The following SLC27A6 variants were observed in gnomAD, a reference collection of about 807,000 sequenced individuals.
SLC27A6 encodes the protein long-chain fatty acid transport protein 6.
In SLC27A6, 74 loss-of-function variants were observed where a neutral mutation model predicts 63.9. The observed-to-expected ratio is 1.16, with a 90% CI of 0.96 to 1.40. SLC27A6 has a LOEUF of 1.40. SLC27A6 is among the 40% of genes most tolerant of loss of function. SLC27A6 has a pLI of 0.00. For synonymous variants in SLC27A6, 287 were observed against 260.8 expected, an observed-to-expected ratio of 1.10 and a Z score of -0.97; for missense variants, 794 against 732.9, an observed-to-expected ratio of 1.08 and a Z score of -0.96.
Position 128,998,690 on chromosome 5 carries a change from T to C in SLC27A6, c.969+8226T>C, listed in dbSNP as rs139405395. Among the ~76,000 whole-genome samples the C allele has an allele frequency of 2.0e-3, 307 of 152,288 alleles. 4 individuals carry two copies. Among genetic ancestry groups the C allele is most frequent in the African/African-American group, 7.1e-3 (294 of 41,578 alleles). ...GATATTAATTTAACATTTAAAAACTTATGTCCAGGATTATTTCTTTGAGTA... is the reference window on the plus strand; with the variant it reads ...GATATTAATTTAACATTTAAAAACTCATGTCCAGGATTATTTCTTTGAGTA... On this transcript the variant is annotated intron_variant, in intron 4 of 9. Coordinates refer to ENST00000262462, the MANE Select transcript of SLC27A6 (RefSeq NM_001017372.3).
In SLC27A6 at chr5:128,966,360, T is replaced by C; in HGVS notation, c.223T>C (p.Tyr75His). 1.9e-6 allele frequency: 3 copies of C among 1,612,344 alleles called. No individual in the cohort carries two copies. Among genetic ancestry groups the C allele is most frequent in the Non-Finnish European group, 1.7e-6 (2 of 1,179,378 alleles). The change falls in exon 1 of 10, where the codon TAT becomes CAT. Residue 75 changes from tyrosine (Y) to histidine (H), a missense_variant. Transcript: ENST00000262462. ...ACAACCTCGGAAACCTTTCATCATCTATGAGGGAGACATCTACACCTATCA... is the reference window on the plus strand; with the variant it reads ...ACAACCTCGGAAACCTTTCATCATCCATGAGGGAGACATCTACACCTATCA... ...KRQPRKPFII[Y>H]EGDIYTYQDV...
At chr5:128,966,992 A>G (rs1749928611) in intron 1 of SLC27A6, among the ~76,000 whole-genome samples, 1 of 152,172 alleles carries the variant, frequency 6.6e-6, no homozygotes, top group Non-Finnish European at 1.5e-5. Flanking sequence ...ACCTACCTCT[A>G]ATTGTACTTT....
intron 9 of SLC27A6, among the ~76,000 whole-genome samples, chr5:129,032,468 T>C (rs72799397): frequency 0.2 from 30,276 of 151,940 alleles, 3,085 homozygotes; most frequent in Middle Eastern, 0.28. Context: ...TTTGCAAAGA[T>C]AATGACATCA....
chr5:129,015,789 A>AT, intron 4 of SLC27A6, 96 bp from the exon 5 acceptor site: 1 of 824,282 alleles, frequency 1.2e-6, no homozygotes, highest in Non-Finnish European at 1.9e-6. Flanking sequence ...TATTGCACAT[A>AT]TGCAGTTTAC....
rs1490119495 is a variant in SLC27A6 at position 128,988,724 on chromosome 5, A to G, written c.810A>G (p.Ala270=). The G allele has an allele frequency of 3.7e-6, 6 of 1,613,348 alleles. No homozygotes were observed. The highest frequency in any genetic ancestry group is 1.3e-5 in the African/African-American group (1 of 74,894). ...CCCTTCCTCTGTATCATAGTTCAGC[A>G]GCTATCCTGGGAATTTCTGGATGTG... The part of the protein sequence containing the change: ...YITLPLYHSS[A]AILGISGCVE... Residue 270 remains alanine, a synonymous_variant, in exon 3 of 10, where the codon GCA becomes GCG. Coordinates refer to ENST00000262462, the MANE Select transcript of SLC27A6 (RefSeq NM_001017372.3).
chr5:129,023,786 T>G, intron 6 of SLC27A6, 76 bp downstream of exon 6: 2 of 1,058,946 alleles, frequency 1.9e-6, no homozygotes, highest in Non-Finnish European at 2.8e-6. Flanking sequence ...TTGGTATCCT[T>G]GGGGGATTGG....
intron 8 of SLC27A6, 114 bp downstream of exon 8, chr5:129,028,556 G>T: frequency 1.6e-6 from 1 of 624,990 alleles, no homozygotes. Context: ...TTAAGATAAA[G>T]ATTTTATTAT....
chr5:128,993,543 CTT>C (rs1255512059), intron 4 of SLC27A6, among the ~76,000 whole-genome samples: 1 of 152,068 alleles, frequency 6.6e-6, no homozygotes, highest in African/African-American at 2.4e-5. Context: ...AAAAATGTCT[CTT>C]TTGTGTCTTG....
intron 6 of SLC27A6, among the ~76,000 whole-genome samples, chr5:129,026,746 T>C (rs2150155348): frequency 6.6e-6 from 1 of 152,236 alleles, no homozygotes; most frequent in African/African-American, 2.4e-5. Context: ...TAAAAAATGC[T>C]ATCATTATTT....
intron 8 of SLC27A6, among the ~76,000 whole-genome samples, chr5:129,028,722 A>G (rs558473455): frequency 1.3e-5 from 2 of 151,092 alleles, no homozygotes; most frequent in Non-Finnish European, 3.0e-5. Flanking sequence ...GGAATTAGTT[A>G]CAGCTTTTTA....
intron 6 of SLC27A6, among the ~76,000 whole-genome samples, chr5:129,025,978 A>T (rs75019216): frequency 8.5e-5 from 13 of 152,214 alleles, no homozygotes; most frequent in African/African-American, 2.4e-4. Context: ...CTACAAAAAA[A>T]TTACAAAATT....
At chr5:129,015,320 A>G (rs1751856777) in intron 4 of SLC27A6, among the ~76,000 whole-genome samples, 1 of 152,236 alleles carries the variant, frequency 6.6e-6, no homozygotes, top group Admixed American at 6.5e-5. Flanking sequence ...ATAATTACAT[A>G]TAGTTGCCAT....
At chr5:129,006,458 TG>T (rs1751542720) in intron 4 of SLC27A6, among the ~76,000 whole-genome samples, 1 of 151,088 alleles carries the variant, frequency 6.6e-6, no homozygotes, top group Admixed American at 6.6e-5. Context: ...TGTGTGTGTG[TG>T]TGTGTGTGTG....
intron 4 of SLC27A6, among the ~76,000 whole-genome samples, chr5:128,992,288 A>G (rs1751012180): frequency 6.6e-6 from 1 of 151,892 alleles, no homozygotes; most frequent in Non-Finnish European, 1.5e-5. Context: ...CACCTCTGCC[A>G]TCATCACATC....
In SLC27A6 at chr5:129,024,526, G is replaced by A. The variant is rs140739848; in HGVS notation, c.1255+816G>A. ...TTAAATGGGATGTATATATATTCCT[G>A]GGGGACCTGGTATGTGGCTTGTTAC... On this transcript the variant is annotated intron_variant, in intron 6 of 9. Coordinates refer to ENST00000262462, the MANE Select transcript of SLC27A6 (RefSeq NM_001017372.3). Among the ~76,000 whole-genome samples, 204 of 152,130 alleles carry A rather than the reference G, an allele frequency of 1.3e-3. 1 individual carries two copies. Among genetic ancestry groups the A allele is most frequent in the African/African-American group, 4.8e-3 (198 of 41,528 alleles).
chr5:129,029,486 T>A (rs1752348368), intron 8 of SLC27A6, 91 bp from the exon 9 acceptor site: 4 of 783,554 alleles, frequency 5.1e-6, no homozygotes. Context: ...ATAGATTTAA[T>A]GTCTCCATGT....
At chr5:129,010,675 G>T (rs531633747) in intron 4 of SLC27A6, among the ~76,000 whole-genome samples, 23 of 152,254 alleles carry the variant, frequency 1.5e-4, no homozygotes, top group African/African-American at 5.5e-4. Context: ...GAGAGTCTTA[G>T]TCCTACACCC....
At position 128,973,099 on chromosome 5, in the gene SLC27A6, CT is replaced by C. The variant is rs1253989769; in HGVS notation, c.481+6482del. ...TTTGCCTGGGTATCACCAGCGGAGG[CT>C]GCAGAACAGCAAATGTTGCTGCCTG... On this transcript the variant is annotated intron_variant, in intron 1 of 9. Transcript: ENST00000262462. Among the ~76,000 whole-genome samples the C allele has an allele frequency of 3.3e-5, 5 of 152,186 alleles. No individual in the cohort carries two copies. The East Asian group carries it at 7.7e-4, about 24-fold the overall frequency.
intron 1 of SLC27A6, among the ~76,000 whole-genome samples, chr5:128,973,967 G>A (rs190793827): frequency 2.0e-5 from 3 of 152,312 alleles, no homozygotes; most frequent in Admixed American, 2.0e-4. Context: ...ATTACGGGAG[G>A]AAAGGGTCTA....
Sources: allele counts gnomAD v4.1 joint callset (sites outside exome capture counted in the v4.1 genomes callset), GRCh38; gene constraint gnomAD v4.1.1; transcripts MANE v1.5; gene names NCBI Gene and HGNC (gene_info 2026-07-23, HGNC 2026-07-21).